Variants in CHST8 observed in about 807,000 individuals in gnomAD.
CHST8 encodes the protein carbohydrate sulfotransferase 8.
A neutral mutation model predicts 15.0 loss-of-function variants in CHST8; 10 were observed. The observed-to-expected ratio is 0.67, with a 90% CI of 0.41 to 1.13. CHST8 has a LOEUF of 1.13. CHST8 is among the 50% of genes most tolerant of loss of function. CHST8 has a pLI of 0.00. For synonymous variants in CHST8, 259 were observed against 256.6 expected, an observed-to-expected ratio of 1.01 and a Z score of -0.09; for missense variants, 634 against 608.2, an observed-to-expected ratio of 1.04 and a Z score of -0.45.
chr19:33,729,936 T>G (rs574568740), intron 3 of CHST8, among the ~76,000 whole-genome samples: 1 of 152,280 alleles, frequency 6.6e-6, no homozygotes, highest in South Asian at 2.1e-4. Flanking sequence ...GAATTCACAG[T>G]CTGAAAGAAA....
At chr19:33,677,022 C>T (rs1972818833) in intron 2 of CHST8, among the ~76,000 whole-genome samples, 1 of 152,224 alleles carries the variant, frequency 6.6e-6, no homozygotes, top group South Asian at 2.1e-4. Context: ...AGGAAATGAG[C>T]TGCTTCAAAC....
At chr19:33,767,310 C>T (rs534412612) in intron 3 of CHST8, among the ~76,000 whole-genome samples, 29 of 152,342 alleles carry the variant, frequency 1.9e-4, no homozygotes, top group Non-Finnish European at 3.8e-4. Context: ...TTGTGTGGCA[C>T]CCTGCAGGTC....
At chr19:33,686,948 C>T (rs1371469308) in intron 2 of CHST8, among the ~76,000 whole-genome samples, 2 of 152,270 alleles carry the variant, frequency 1.3e-5, no homozygotes, top group East Asian at 3.9e-4. Context: ...ATAGCAGCTG[C>T]TCCCGAGAGA....
intron 2 of CHST8, among the ~76,000 whole-genome samples, chr19:33,674,807 G>A (rs575925052): frequency 9.8e-5 from 15 of 152,302 alleles, no homozygotes; most frequent in African/African-American, 3.6e-4. Context: ...CTGACCTTGG[G>A]CAGCAACTAG....
chr19:33,748,658 T>G (rs972975492), intron 3 of CHST8, among the ~76,000 whole-genome samples: 15 of 152,326 alleles, frequency 9.8e-5, no homozygotes, highest in South Asian at 2.1e-4. Context: ...GCTGCTCACC[T>G]TGTCCTCTAT....
At chr19:33,711,724 C>T (rs558880037) in intron 3 of CHST8, among the ~76,000 whole-genome samples, 2 of 152,282 alleles carry the variant, frequency 1.3e-5, no homozygotes, top group East Asian at 3.9e-4. Flanking sequence ...CTCCATCTCC[C>T]AGGTTCAAGC....
In CHST8 at chr19:33,689,229, A is replaced by G; in HGVS notation, c.-33A>G. 2 of 1,513,354 alleles carry G rather than the reference A, an allele frequency of 1.3e-6. No homozygotes were observed. Among genetic ancestry groups the G allele is most frequent in the Non-Finnish European group, 8.8e-7 (1 of 1,130,910 alleles). 93.7% of individuals were successfully genotyped at this position (1,513,354 alleles called of 1,614,324 possible). A position where few individuals can be genotyped will look rare whatever the true frequency, so the allele number is the denominator to read the frequency against. ...ACGATGAGGGAAGAACGTGCCCCCC[A>G]CACCCAAGAGGTGACCCCTGAGCCA... On this transcript the variant is annotated 5_prime_UTR_variant, in exon 3 of 5. Coordinates refer to ENST00000650847, the MANE Select transcript of CHST8 (RefSeq NM_001127895.2).
At chr19:33,666,037 C>T (rs988901151) in intron 1 of CHST8, among the ~76,000 whole-genome samples, 5 of 152,232 alleles carry the variant, frequency 3.3e-5, no homozygotes, top group Admixed American at 6.5e-5. Context: ...ACAGCTTTCT[C>T]GTGGATCATG....
intron 3 of CHST8, among the ~76,000 whole-genome samples, chr19:33,703,586 T>A (rs1346542865): frequency 6.6e-6 from 1 of 152,232 alleles, no homozygotes; most frequent in Non-Finnish European, 1.5e-5. Flanking sequence ...CACCTTCTGC[T>A]GGGCTCCAAC....
intron 1 of CHST8, among the ~76,000 whole-genome samples, chr19:33,633,236 T>A (rs1001223569): frequency 6.6e-6 from 1 of 152,258 alleles, no homozygotes; most frequent in African/African-American, 2.4e-5. Flanking sequence ...TGAGTTGTGT[T>A]ATTTGTTCCT....
chr19:33,649,987 G>T (rs1412083804), intron 1 of CHST8, among the ~76,000 whole-genome samples: 1 of 152,200 alleles, frequency 6.6e-6, no homozygotes, highest in African/African-American at 2.4e-5. Context: ...AGTATAAAAA[G>T]TGTAGGGGTG....
In CHST8 at chr19:33,773,216, G is replaced by GC. The variant is rs1568367227; in HGVS notation, c.*154dup. 1.1e-6 allele frequency: 1 copy of GC among 877,622 alleles called. No individual in the cohort carries two copies. Among genetic ancestry groups the GC allele is most frequent in the African/African-American group, 1.7e-5 (1 of 58,862 alleles). The allele number at this position is 877,622 out of a possible 1,614,324, so 54.4% of individuals were successfully genotyped here. ...GGAGGCAGCAGGCCCCGGGTGGGGG[G>GC]CAGAGGCGCCCAGCCTTGGATGGGG... On this transcript the variant is annotated 3_prime_UTR_variant, in exon 5 of 5. Coordinates refer to ENST00000650847, the MANE Select transcript of CHST8 (RefSeq NM_001127895.2).
At chr19:33,748,981 C>G (rs930730568) in intron 3 of CHST8, among the ~76,000 whole-genome samples, 1 of 152,176 alleles carries the variant, frequency 6.6e-6, no homozygotes, top group African/African-American at 2.4e-5. Flanking sequence ...CAGGCGCACA[C>G]CCCTGAGGGC....
At chr19:33,657,147 ACACACACAC>A (rs1972518638) in intron 1 of CHST8, among the ~76,000 whole-genome samples, 1 of 150,372 alleles carries the variant, frequency 6.7e-6, no homozygotes, top group Admixed American at 6.8e-5. Flanking sequence ...ACACACACAC[ACACACACAC>A]AAACACACAT....
chr19:33,753,698 CTCCTACCAA>C, intron 3 of CHST8, among the ~76,000 whole-genome samples: 1 of 5,860 alleles, frequency 1.7e-4, no homozygotes, highest in African/African-American at 9.4e-4. Flanking sequence ...ACCCACCATC[CTCCTACCAA>C]CCCTCTCCAT....
intron 3 of CHST8, among the ~76,000 whole-genome samples, chr19:33,760,767 C>T (rs1974707474): frequency 2.0e-5 from 3 of 152,154 alleles, no homozygotes; most frequent in African/African-American, 7.2e-5. Flanking sequence ...GGAGCTGTCA[C>T]CTGCAACACT....
At chr19:33,639,991 C>T (rs1441198719) in intron 1 of CHST8, among the ~76,000 whole-genome samples, 2 of 152,080 alleles carry the variant, frequency 1.3e-5, no homozygotes, top group East Asian at 1.9e-4. Context: ...AGGCATGCGC[C>T]ACCATGCCTG....
chr19:33,633,120 C>T (rs934015711), intron 1 of CHST8, among the ~76,000 whole-genome samples: 1 of 152,178 alleles, frequency 6.6e-6, no homozygotes, highest in Non-Finnish European at 1.5e-5. Context: ...CATTAGCCAC[C>T]ACACCTGGCC....
intron 1 of CHST8, among the ~76,000 whole-genome samples, chr19:33,633,069 G>T (rs1972143852): frequency 1.3e-5 from 2 of 151,932 alleles, no homozygotes; most frequent in African/African-American, 4.8e-5. Flanking sequence ...GACCTCAGGT[G>T]ATCCACCCGC....
Sources: gnomAD v4.1 joint callset for allele counts (sites outside exome capture counted in the v4.1 genomes callset) on GRCh38, gnomAD v4.1.1 for gene constraint, MANE v1.5 for transcripts, NCBI Gene and HGNC (gene_info 2026-07-23, HGNC 2026-07-21) for gene names.